ENTREP2: variants seen among roughly 807,000 people sequenced by gnomAD.
ENTREP2 encodes the protein endosomal transmembrane epsin interactor 2.
the ENTREP2 span, chr15:29,613,842 C>A: frequency 6.0e-6 from 1 of 165,358 alleles, no homozygotes; most frequent in South Asian, 1.6e-4. Flanking sequence ...CCCCTCTCAC[C>A]AGTTGTGGAA....
chr15:29,598,096 G>A, the ENTREP2 span, among the ~76,000 whole-genome samples: 13 of 151,126 alleles, frequency 8.6e-5, no homozygotes, highest in East Asian at 9.7e-4. Flanking sequence ...CACTCTAGCC[G>A]GGGCAACAGA....
chr15:29,589,805 A>G, the ENTREP2 span, among the ~76,000 whole-genome samples: 2 of 152,228 alleles, frequency 1.3e-5, no homozygotes, highest in Admixed American at 6.5e-5. Flanking sequence ...CTCCACTGGC[A>G]ACTCCTTCCA....
the ENTREP2 span, among the ~76,000 whole-genome samples, chr15:29,540,007 C>A: frequency 6.6e-6 from 1 of 152,162 alleles, no homozygotes; most frequent in Non-Finnish European, 1.5e-5. Context: ...GTGGCCCAGG[C>A]AGGCCAGTGG....
chr15:29,222,520 C>G, the ENTREP2 span, among the ~76,000 whole-genome samples: 2 of 152,168 alleles, frequency 1.3e-5, no homozygotes, highest in South Asian at 2.1e-4. Context: ...GATTGGGACC[C>G]CTTTTCGGTA....
At chr15:29,669,005 C>T in the ENTREP2 span, among the ~76,000 whole-genome samples, 2 of 152,166 alleles carry the variant, frequency 1.3e-5, no homozygotes, top group African/African-American at 4.8e-5. Flanking sequence ...TCCTCTTCTC[C>T]CGCTCCCATA....
chr15:29,600,783 T>G, the ENTREP2 span, among the ~76,000 whole-genome samples: 2 of 152,042 alleles, frequency 1.3e-5, no homozygotes, highest in African/African-American at 4.8e-5. Context: ...ATGACTTAAT[T>G]ATTCATATAC....
chr15:29,596,742 A>C, the ENTREP2 span, among the ~76,000 whole-genome samples: 1 of 151,782 alleles, frequency 6.6e-6, no homozygotes. Flanking sequence ...ATCTCAGCTC[A>C]CTGCAACCTC....
chr15:29,214,455 G>A, the ENTREP2 span, among the ~76,000 whole-genome samples: 24 of 152,158 alleles, frequency 1.6e-4, no homozygotes, highest in Non-Finnish European at 2.5e-4. Context: ...AACAAACACC[G>A]CATGTTCTCA....
chr15:29,130,285 G>A, the ENTREP2 span, among the ~76,000 whole-genome samples: 1 of 152,184 alleles, frequency 6.6e-6, no homozygotes, highest in East Asian at 1.9e-4. Context: ...CATTCTGCTG[G>A]GAGGGAATCG....
the ENTREP2 span, among the ~76,000 whole-genome samples, chr15:29,140,383 G>T: frequency 6.6e-6 from 1 of 152,140 alleles, no homozygotes; most frequent in African/African-American, 2.4e-5. Flanking sequence ...TCTAACCTGT[G>T]TGCCTCTCTG....
At chr15:29,211,146 A>G in the ENTREP2 span, among the ~76,000 whole-genome samples, 4,410 of 152,284 alleles carry the variant, frequency 0.029, 225 homozygotes, top group African/African-American at 0.1. Flanking sequence ...TCAGTCTTTT[A>G]CTACGAAGAT....
the ENTREP2 span, among the ~76,000 whole-genome samples, chr15:29,294,952 G>A: frequency 6.6e-6 from 1 of 152,202 alleles, no homozygotes; most frequent in Non-Finnish European, 1.5e-5. Context: ...GTCTCCTGCT[G>A]TAGGGAGAAG....
the ENTREP2 span, among the ~76,000 whole-genome samples, chr15:29,311,708 G>A: frequency 6.6e-6 from 1 of 151,940 alleles, no homozygotes; most frequent in Non-Finnish European, 1.5e-5. Context: ...AAAAAAGTAT[G>A]ATCTTTAAAG....
At chr15:29,260,354 C>G in the ENTREP2 span, among the ~76,000 whole-genome samples, 8 of 152,090 alleles carry the variant, frequency 5.3e-5, no homozygotes, top group Admixed American at 3.3e-4. Context: ...TTAAATCATA[C>G]AAAGTACCTA....
chr15:29,198,173 G>C, the ENTREP2 span, among the ~76,000 whole-genome samples: 7 of 152,266 alleles, frequency 4.6e-5, no homozygotes, highest in African/African-American at 1.7e-4. Context: ...TTCAGCAGGA[G>C]AATATGGGTA....
chr15:29,327,104 T>C, the ENTREP2 span, among the ~76,000 whole-genome samples: 6 of 152,190 alleles, frequency 3.9e-5, no homozygotes, highest in Admixed American at 6.5e-5. Context: ...TGCAGAACTA[T>C]AAAAGTTCTT....
the ENTREP2 span, among the ~76,000 whole-genome samples, chr15:29,252,918 T>G: frequency 6.6e-6 from 1 of 152,200 alleles, no homozygotes; most frequent in Non-Finnish European, 1.5e-5. Flanking sequence ...TGAAGGCACA[T>G]GTGTCCATCA....
At chr15:29,387,721 A>T in the ENTREP2 span, among the ~76,000 whole-genome samples, 1 of 152,174 alleles carries the variant, frequency 6.6e-6, no homozygotes, top group South Asian at 2.1e-4. Context: ...TTCAAACTAT[A>T]CTACAAGGCT....
the ENTREP2 span, among the ~76,000 whole-genome samples, chr15:29,258,957 G>A: frequency 2.0e-5 from 3 of 152,160 alleles, no homozygotes; most frequent in Admixed American, 6.5e-5. Context: ...ATATTCCATT[G>A]TTCCAGAAAT....
Sources: gnomAD v4.1 joint callset for allele counts (sites outside exome capture counted in the v4.1 genomes callset) on GRCh38, gnomAD v4.1.1 for gene constraint, MANE v1.5 for transcripts, NCBI Gene and HGNC (gene_info 2026-07-23, HGNC 2026-07-21) for gene names.